The following NTF3 variants were observed in gnomAD, a reference collection of about 807,000 sequenced individuals.
NTF3 encodes the protein neurotrophin-3.
Under a neutral mutation model 26.3 loss-of-function variants are expected in NTF3, and 8 were observed. That is an observed-to-expected ratio of 0.30 (90% CI 0.18 to 0.55). The LOEUF (loss-of-function observed/expected upper bound fraction) is 0.55. NTF3 is among the 20% of genes least tolerant of loss of function. The pLI, the probability that NTF3 is intolerant of heterozygous loss-of-function variation, is 0.93. For synonymous variants in NTF3, 154 were observed against 145.5 expected (o/e 1.06, Z -0.42); for missense variants, 276 against 352.9 (o/e 0.78, Z 1.75).
intron 1 of NTF3, among the ~76,000 whole-genome samples, chr12:5,463,635 G>C (rs1380885289): frequency 6.6e-6 from 1 of 152,208 alleles, no homozygotes; most frequent in African/African-American, 2.4e-5. Context: ...ATGGATTTAT[G>C]TAAAGGATGT....
chr12:5,469,662 C>G (rs1180279155), intron 1 of NTF3, among the ~76,000 whole-genome samples: 1 of 152,190 alleles, frequency 6.6e-6, no homozygotes, highest in Non-Finnish European at 1.5e-5. Flanking sequence ...CTGACCAAAC[C>G]TTCCTCAAAG....
intron 1 of NTF3, among the ~76,000 whole-genome samples, chr12:5,445,633 G>C (rs1940296251): frequency 6.6e-6 from 1 of 152,172 alleles, no homozygotes; most frequent in Non-Finnish European, 1.5e-5. Flanking sequence ...TGCTAACAGT[G>C]ATTGCTCAGG....
chr12:5,478,143 C>T (rs897931575), intron 1 of NTF3, among the ~76,000 whole-genome samples: 2 of 152,160 alleles, frequency 1.3e-5, no homozygotes, highest in Non-Finnish European at 2.9e-5. Context: ...CCATAGGAAT[C>T]CACAATAAGA....
intron 1 of NTF3, among the ~76,000 whole-genome samples, chr12:5,481,636 C>G (rs1364383580): frequency 1.2e-5 from 1 of 83,072 alleles, no homozygotes; most frequent in Non-Finnish European, 2.3e-5. Context: ...TACATGCACA[C>G]ATACAGATAT....
chr12:5,445,083 A>G (rs1940287176), intron 1 of NTF3, among the ~76,000 whole-genome samples: 1 of 152,226 alleles, frequency 6.6e-6, no homozygotes, highest in African/African-American at 2.4e-5. Context: ...ATTCAGGATC[A>G]AAAAAGAAGA....
intron 1 of NTF3, among the ~76,000 whole-genome samples, chr12:5,439,378 C>G (rs1352057341): frequency 6.6e-6 from 1 of 152,232 alleles, no homozygotes; most frequent in African/African-American, 2.4e-5. Flanking sequence ...TCTGTGGCAT[C>G]CCAAGCCCAT....
At chr12:5,486,400 T>C (rs1940866253) in intron 1 of NTF3, among the ~76,000 whole-genome samples, 1 of 152,220 alleles carries the variant, frequency 6.6e-6, no homozygotes, top group Admixed American at 6.5e-5. Flanking sequence ...AACTTCTTTA[T>C]TCTGCCATTT....
rs2121261877 is a variant in NTF3, at chr12:5,494,160, G to C, written c.19-34G>C. 1 of 1,597,120 alleles carries C rather than the reference G, an allele frequency of 6.3e-7. No homozygotes were observed. The highest frequency in any genetic ancestry group is 1.1e-5 in the South Asian group (1 of 90,196). ...CAGAATAACACAGACTCAGCTGCCAGAGCCTGCTCTTAACACCTGTGTTTC... is the reference window on the plus strand; with the variant it reads ...CAGAATAACACAGACTCAGCTGCCACAGCCTGCTCTTAACACCTGTGTTTC... On this transcript the variant is annotated intron_variant, in intron 1 of 1. Transcript: ENST00000423158. This position sits in a 1 kb window ranked among gnomAD's most constrained non-coding sequence, Gnocchi z 8.3.
chr12:5,477,529 G>T (rs961885922), intron 1 of NTF3, among the ~76,000 whole-genome samples: 1 of 152,182 alleles, frequency 6.6e-6, no homozygotes, highest in African/African-American at 2.4e-5. Context: ...GAGATAATAC[G>T]CAGGGTTCAG....
rs1940987767 is a variant in NTF3, at chr12:5,494,770, G to A, written c.595G>A (p.Val199Ile). 6.2e-7 allele frequency: 1 copy of A among 1,614,006 alleles called. No individual in the cohort carries two copies. ...GGAGATCAAAACGGGCAACTCTCCC[G>A]TCAAACAATATTTTTATGAAACGCG... ...LGEIKTGNSP[V>I]KQYFYETRCK... The change falls in exon 2 of 2, where the codon GTC becomes ATC. Residue 199 changes from valine (V) to isoleucine (I), a missense_variant. Val to Ile is a conservative substitution (Grantham distance 29). Coordinates refer to ENST00000423158, the MANE Select transcript of NTF3 (RefSeq NM_001102654.2). This position sits in a 1 kb window ranked among gnomAD's most constrained non-coding sequence, Gnocchi z 8.3.
chr12:5,454,292 C>G (rs879786341), intron 1 of NTF3, among the ~76,000 whole-genome samples: 4 of 152,228 alleles, frequency 2.6e-5, no homozygotes, highest in Non-Finnish European at 5.9e-5. Context: ...CTCACACTGT[C>G]TTTCCTCTGT....
chr12:5,467,184 A>G (rs1021821621), intron 1 of NTF3, among the ~76,000 whole-genome samples: 2 of 138,632 alleles, frequency 1.4e-5, no homozygotes, highest in East Asian at 2.3e-4. Flanking sequence ...AGCCGAGATC[A>G]TGCCACTGCA....
intron 1 of NTF3, among the ~76,000 whole-genome samples, chr12:5,447,561 A>T (rs1341115331): frequency 2.0e-5 from 3 of 152,238 alleles, no homozygotes; most frequent in Non-Finnish European, 4.4e-5. Context: ...TCAAAGCCTT[A>T]GTTTCCTCTT....
At chr12:5,487,742 A>T (rs1196169749) in intron 1 of NTF3, among the ~76,000 whole-genome samples, 1 of 152,204 alleles carries the variant, frequency 6.6e-6, no homozygotes, top group Non-Finnish European at 1.5e-5. Flanking sequence ...AAAGAACAGG[A>T]TAGGAATCCA....
At chr12:5,452,852 CG>C (rs1320719273) in intron 1 of NTF3, among the ~76,000 whole-genome samples, 2 of 152,164 alleles carry the variant, frequency 1.3e-5, no homozygotes, top group Non-Finnish European at 2.9e-5. Context: ...GTCTAATTTT[CG>C]GATTGGTCTT....
intron 1 of NTF3, among the ~76,000 whole-genome samples, chr12:5,449,260 A>T (rs1940344008): frequency 1.3e-5 from 2 of 152,310 alleles, no homozygotes; most frequent in Middle Eastern, 6.8e-3. Context: ...GTGTACACAG[A>T]GCGTTAATAG....
At position 5,436,582 on chromosome 12, in the gene NTF3, G is replaced by A. The variant is rs572457472; in HGVS notation, c.18+4240G>A. 5.9e-5 allele frequency among the ~76,000 whole-genome samples: 9 copies of A among 152,324 alleles called. No individual in the cohort carries two copies. In the South Asian group the frequency reaches 1.9e-3, roughly 32 times the overall value. On this transcript the variant is annotated intron_variant, in intron 1 of 1. Coordinates refer to ENST00000423158, the MANE Select transcript of NTF3 (RefSeq NM_001102654.2). ...CTCTTTTCCCCCATCAAAACTTGAT[G>A]TGTTTAGTTGTATACAGCCATACAA...
chr12:5,431,780 T>A (rs941884675), upstream of NTF3, among the ~76,000 whole-genome samples: 11 of 152,184 alleles, frequency 7.2e-5, no homozygotes, highest in Non-Finnish European at 1.2e-4. Context: ...TGTAACCTGT[T>A]ACGATACATT....
At chr12:5,442,597 C>T in intron 1 of NTF3, among the ~76,000 whole-genome samples, 1 of 152,192 alleles carries the variant, frequency 6.6e-6, no homozygotes, top group Admixed American at 6.5e-5. Flanking sequence ...AGACTGCCAT[C>T]TACTGTCCAC....
Sources: allele counts gnomAD v4.1 joint callset (sites outside exome capture counted in the v4.1 genomes callset), GRCh38; gene constraint gnomAD v4.1.1; non-coding constraint Gnocchi (gnomAD v3.1); transcripts MANE v1.5; gene names NCBI Gene and HGNC (gene_info 2026-07-23, HGNC 2026-07-21).